The following PRRC2C variants were observed in gnomAD, a reference collection of about 807,000 sequenced individuals.
The protein encoded by PRRC2C is proline rich coiled-coil 2C.
Under a neutral mutation model 317.2 loss-of-function variants are expected in PRRC2C, and 72 were observed. The observed-to-expected ratio is 0.23, with a 90% CI of 0.19 to 0.28. The LOEUF (loss-of-function observed/expected upper bound fraction) is 0.28, where lower values mean the gene tolerates loss of function less well. Ranked by LOEUF, PRRC2C falls within the 10% of genes least tolerant of loss-of-function variation. The pLI is 1.00. For synonymous variants in PRRC2C, 1,296 were observed against 1,205.9 expected (o/e 1.07, Z -1.55); for missense variants, 3,074 against 3,459.7 (o/e 0.89, Z 2.80).
At chr1:171,511,838 A>G in intron 1 of PRRC2C, 194 bp from the exon 2 acceptor site, 1 of 312,532 alleles carries the variant, frequency 3.2e-6, no homozygotes, top group South Asian at 3.9e-5. Flanking sequence ...TTATAACCAT[A>G]TATAACTGAT....
At chr1:171,492,446 A>C (rs1035519647) in intron 1 of PRRC2C, among the ~76,000 whole-genome samples, 8 of 152,222 alleles carry the variant, frequency 5.3e-5, no homozygotes, top group East Asian at 3.8e-4. Context: ...GGTCTTAGCT[A>C]CTTGGAAGGC....
At chr1:171,587,579 G>A (rs1271679411) in intron 31 of PRRC2C, 69 bp from the exon 32 acceptor site, 3 of 1,080,314 alleles carry the variant, frequency 2.8e-6, no homozygotes, top group East Asian at 5.0e-5. Context: ...TCACGTATAG[G>A]ACATGTAAAC....
chr1:171,524,488 AG>A (rs1396916837), intron 9 of PRRC2C, among the ~76,000 whole-genome samples: 2 of 152,224 alleles, frequency 1.3e-5, no homozygotes, highest in Non-Finnish European at 2.9e-5. Flanking sequence ...AGAATAAATT[AG>A]AATGCAGTTA....
intron 33 of PRRC2C, among the ~76,000 whole-genome samples, chr1:171,588,982 G>A (rs1266706158): frequency 6.6e-6 from 1 of 152,214 alleles, no homozygotes; most frequent in Non-Finnish European, 1.5e-5. Context: ...ACTGGTTCCT[G>A]AGAAATTCAC....
rs755030974 is a variant in PRRC2C, at chr1:171,523,425, A to G, written c.968-10A>G. 4.3e-6 allele frequency: 7 copies of G among 1,613,484 alleles called. No individual in the cohort carries two copies. The highest frequency in any genetic ancestry group is 5.9e-6 in the Non-Finnish European group (7 of 1,179,662). On this transcript the variant is annotated splice_polypyrimidine_tract_variant and intron_variant, in intron 8 of 34. Transcript: ENST00000647382. ...CAAGCAGCCAGTCTGAGTTTTCCTT[A>G]ATTTAATAGGTGCTCAGATGGAAGT...
intron 34 of PRRC2C, among the ~76,000 whole-genome samples, chr1:171,590,938 A>G (rs1651285550): frequency 6.6e-6 from 1 of 152,222 alleles, no homozygotes; most frequent in African/African-American, 2.4e-5. Flanking sequence ...ATAGAACATA[A>G]AGCATTTTTT....
chr1:171,578,052 T>A (rs1260123794), intron 26 of PRRC2C, among the ~76,000 whole-genome samples: 1 of 148,356 alleles, frequency 6.7e-6, no homozygotes, highest in Non-Finnish European at 1.5e-5. Flanking sequence ...TGCCTCAGCC[T>A]CCCAAAGTGC....
At chr1:171,566,041 C>T (rs1626990) in intron 20 of PRRC2C, among the ~76,000 whole-genome samples, 192 bp from the exon 21 acceptor site, 121,962 of 152,140 alleles carry the variant, frequency 0.8, 49,030 homozygotes, top group Middle Eastern at 0.89. Flanking sequence ...CTAGTTTCAT[C>T]TTATCAGTTG....
chr1:171,537,198 T>C, intron 14 of PRRC2C, 65 bp from the exon 15 acceptor site: 1 of 1,247,140 alleles, frequency 8.0e-7, no homozygotes, highest in Non-Finnish European at 1.1e-6. Context: ...TCTATGTCTA[T>C]CATGGTTTTG....
At chr1:171,579,322 T>G (rs1161023258) in intron 26 of PRRC2C, 32 bp from the exon 27 acceptor site, 3 of 1,590,216 alleles carry the variant, frequency 1.9e-6, no homozygotes, top group African/African-American at 1.3e-5. Flanking sequence ...TTAGGACACT[T>G]ACTACTGCTT....
Position 171,576,895 on chromosome 1 carries a change from C to T in PRRC2C, c.6956-539C>T, listed in dbSNP as rs144296870. Among the ~76,000 whole-genome samples, 123 of 152,202 alleles carry T rather than the reference C, an allele frequency of 8.1e-4. 2 individuals are homozygous for T. In the East Asian group the frequency reaches 0.023, roughly 28 times the overall value. On this transcript the variant is annotated intron_variant, in intron 25 of 34. Coordinates refer to ENST00000647382, the MANE Select transcript of PRRC2C (RefSeq NM_001387844.1). The stretch of plus-strand genomic sequence containing the variant: ...GTAGAGACAGGATCTTACAATGTTC[C>T]CCAGGCTGGTCTTATACTCCTGGCC...
intron 30 of PRRC2C, among the ~76,000 whole-genome samples, chr1:171,586,074 T>TTTGTTTG (rs1553249169): frequency 7.9e-6 from 1 of 125,822 alleles, no homozygotes; most frequent in Admixed American, 7.9e-5. Context: ...TTTTTTTTTT[T>TTTGTTTG]TTTTTTTTTT....
At chr1:171,564,685 A>G (rs1395399514) in intron 20 of PRRC2C, among the ~76,000 whole-genome samples, 2 of 152,236 alleles carry the variant, frequency 1.3e-5, no homozygotes, top group African/African-American at 4.8e-5. Flanking sequence ...AAACCTATAC[A>G]GCTTATTACT....
At chr1:171,558,253 A>G in intron 19 of PRRC2C, 110 bp downstream of exon 19, 1 of 1,334,480 alleles carries the variant, frequency 7.5e-7, no homozygotes. Context: ...CTCATTTTTT[A>G]TTGTAGGAAA....
chr1:171,524,997 G>A lies in PRRC2C; in HGVS notation c.1200+32G>A, dbSNP rs533235936. ...TGGACTCATGGAGATCCTTGTTATT[G>A]CAAGGATCTCCTTATTGTAATTACT... On this transcript the variant is annotated intron_variant, in intron 10 of 34. Transcript: ENST00000647382. 9 of 1,509,276 alleles carry A rather than the reference G, an allele frequency of 6.0e-6. No homozygotes were observed. The Admixed American group carries it at 1.0e-4, about 17-fold the overall frequency. The allele number at this position is 1,509,276 out of a possible 1,614,324, so 93.5% of individuals were successfully genotyped here. A position where few individuals can be genotyped will look rare whatever the true frequency, so the allele number is the denominator to read the frequency against.
chr1:171,559,873 A>G (rs1208282861), intron 19 of PRRC2C, among the ~76,000 whole-genome samples: 5 of 152,102 alleles, frequency 3.3e-5, no homozygotes, highest in South Asian at 4.1e-4. Flanking sequence ...AGGGGGAAAA[A>G]TGCTCAAAAG....
At chr1:171,517,906 T>C (rs1164160912) in intron 6 of PRRC2C, 92 bp downstream of exon 6, 2 of 1,054,176 alleles carry the variant, frequency 1.9e-6, no homozygotes, top group Non-Finnish European at 2.7e-6. Flanking sequence ...TTTAGGTCTT[T>C]GTTTTCATTA....
chr1:171,564,357 A>C (rs1683227854), intron 20 of PRRC2C, among the ~76,000 whole-genome samples: 1 of 152,172 alleles, frequency 6.6e-6, no homozygotes, highest in Admixed American at 6.6e-5. Context: ...ACAGTCATTA[A>C]CTTGACAGTT....
chr1:171,506,792 C>T (rs923837690), intron 1 of PRRC2C, among the ~76,000 whole-genome samples: 18 of 150,970 alleles, frequency 1.2e-4, no homozygotes, highest in Admixed American at 2.7e-4. Context: ...GGCAGTGTGT[C>T]TAAAATGCTA....
Sources: gnomAD v4.1 joint callset for allele counts (sites outside exome capture counted in the v4.1 genomes callset) on GRCh38, gnomAD v4.1.1 for gene constraint, MANE v1.5 for transcripts, NCBI Gene and HGNC (gene_info 2026-07-23, HGNC 2026-07-21) for gene names.